The following SERPINB12 variants were observed in gnomAD, a reference collection of about 807,000 sequenced individuals.
The protein encoded by SERPINB12 is serpin B12.
In SERPINB12, 57 loss-of-function variants were observed where a neutral mutation model predicts 41.1. The ratio of observed to expected loss-of-function variants is 1.39; its 90% CI spans 1.12 to 1.73. SERPINB12 has a LOEUF of 1.73. SERPINB12 is among the 40% of genes most tolerant of loss of function. SERPINB12 has a pLI of 0.00. For missense variants in SERPINB12, 536 were observed against 501.9 expected, an observed-to-expected ratio of 1.07 and a Z score of -0.65; for synonymous variants, 180 against 181.3, an observed-to-expected ratio of 0.99 and a Z score of 0.06.
chr18:63,519,849 G>A, the SERPINB12 span, among the ~76,000 whole-genome samples: 1 of 152,148 alleles, frequency 6.6e-6, no homozygotes, highest in South Asian at 2.1e-4. Context: ...ATTATCTAAG[G>A]TAGGCTCGAG....
chr18:63,561,207 G>A lies in SERPINB12; in HGVS notation c.562+5G>A, dbSNP rs1336619119. ...GGGTTGAATGTCAATCCCAAGGTAA[G>A]AAAGCCCAAAAGCACGGGAGCTGGT... On this transcript the variant is annotated splice_donor_5th_base_variant and intron_variant, in intron 5 of 7. Coordinates refer to ENST00000382768, the MANE Select transcript of SERPINB12 (RefSeq NM_001307928.2). 6.4e-7 allele frequency: 1 copy of A among 1,572,240 alleles called. No homozygotes were observed. The highest frequency in any genetic ancestry group is 1.1e-5 in the South Asian group (1 of 89,752).
chr18:63,540,532 G>A (rs1417893119), upstream of SERPINB12, among the ~76,000 whole-genome samples: 1 of 152,090 alleles, frequency 6.6e-6, no homozygotes, highest in Non-Finnish European at 1.5e-5. Context: ...CAGTAATTCA[G>A]GACCTAGATA....
At chr18:63,524,004 C>T in the SERPINB12 span, among the ~76,000 whole-genome samples, 1 of 151,994 alleles carries the variant, frequency 6.6e-6, no homozygotes, top group African/African-American at 2.4e-5. Context: ...GCATTCTCAA[C>T]CTTAAATAGG....
chr18:63,527,035 T>C, the SERPINB12 span, among the ~76,000 whole-genome samples: 3 of 152,338 alleles, frequency 2.0e-5, no homozygotes, highest in South Asian at 6.2e-4. Flanking sequence ...ATACATATTA[T>C]AATCGTATGA....
chr18:63,526,217 C>T, the SERPINB12 span, among the ~76,000 whole-genome samples: 3 of 152,112 alleles, frequency 2.0e-5, no homozygotes, highest in Non-Finnish European at 4.4e-5. Context: ...TGGTTGAAAG[C>T]TATTACATAC....
the SERPINB12 span, among the ~76,000 whole-genome samples, chr18:63,530,830 A>C: frequency 2.0e-5 from 3 of 152,162 alleles, no homozygotes; most frequent in Admixed American, 6.5e-5. Context: ...AAGGTTAGAG[A>C]GGGGGAGAAC....
intron 5 of SERPINB12, 27 bp from the exon 6 acceptor site, chr18:63,563,951 A>G: frequency 6.3e-7 from 1 of 1,582,192 alleles, no homozygotes; most frequent in Non-Finnish European, 8.6e-7. Context: ...ATTCATACTC[A>G]GGATATTCTC....
At position 63,565,619 on chromosome 18, in the gene SERPINB12, C is replaced by A; in HGVS notation, c.873+7C>A. The A allele has an allele frequency of 6.2e-7, 1 of 1,604,944 alleles. No individual in the cohort carries two copies. Among genetic ancestry groups the A allele is most frequent in the African/African-American group, 1.3e-5 (1 of 74,418 alleles). Reference sequence around the variant, plus strand: ...CCTGAAGGGTCTGGAAGAGGTAAATCTTCATTTCCACATCTCTACAAAATA... The same window carrying A: ...CCTGAAGGGTCTGGAAGAGGTAAATATTCATTTCCACATCTCTACAAAATA... On this transcript the variant is annotated splice_region_variant and intron_variant, in intron 7 of 7. Coordinates refer to ENST00000382768, the MANE Select transcript of SERPINB12 (RefSeq NM_001307928.2).
chr18:63,540,366 T>C (rs1398214410), upstream of SERPINB12, among the ~76,000 whole-genome samples: 3 of 152,178 alleles, frequency 2.0e-5, no homozygotes, highest in Admixed American at 6.5e-5. Context: ...AAAATGTTCA[T>C]GCATTTTTAT....
the SERPINB12 span, among the ~76,000 whole-genome samples, chr18:63,532,201 A>C: frequency 9.5e-4 from 144 of 152,262 alleles, no homozygotes; most frequent in African/African-American, 3.3e-3. Context: ...ACAATCATAC[A>C]TTTTAGTTCA....
intron 3 of SERPINB12, among the ~76,000 whole-genome samples, chr18:63,558,747 C>T (rs1320891374): frequency 6.6e-6 from 1 of 152,176 alleles, no homozygotes; most frequent in Non-Finnish European, 1.5e-5. Context: ...TCATCTGCTT[C>T]TATAGGCCAC....
chr18:63,552,612 C>A (rs563707153), intron 1 of SERPINB12, among the ~76,000 whole-genome samples: 6 of 152,086 alleles, frequency 3.9e-5, no homozygotes, highest in Non-Finnish European at 8.8e-5. Flanking sequence ...CTCTTCTATG[C>A]GTCTTAAACT....
chr18:63,559,741 C>G (rs1413122287), intron 4 of SERPINB12, 23 bp downstream of exon 4: 1 of 1,612,874 alleles, frequency 6.2e-7, no homozygotes, highest in Non-Finnish European at 8.5e-7. Context: ...CGAATGGTGA[C>G]TAAAGCTACC....
chr18:63,544,971 C>T (rs1302408797), intron 1 of SERPINB12, among the ~76,000 whole-genome samples: 1 of 152,098 alleles, frequency 6.6e-6, no homozygotes, highest in African/African-American at 2.4e-5. Context: ...TTCAAAAATA[C>T]TGCCTTTATC....
At position 63,568,875 on chromosome 18, in the gene SERPINB12, G is replaced by T. The variant is rs1008777487; in HGVS notation, c.*1864G>T. Among the ~76,000 whole-genome samples the T allele has an allele frequency of 1.3e-5, 2 of 152,148 alleles. No homozygotes were observed. The highest frequency in any genetic ancestry group is 2.4e-5 in the African/African-American group (1 of 41,426). ...CTTCTCATTGTTGAAGCTCACTTAC[G>T]ACCTAAAACAATTTGACGTTGGTAA... On this transcript the variant is annotated 3_prime_UTR_variant, in exon 8 of 8. Coordinates refer to ENST00000382768, the MANE Select transcript of SERPINB12 (RefSeq NM_001307928.2).
upstream of SERPINB12, among the ~76,000 whole-genome samples, chr18:63,538,021 A>G (rs745419369): frequency 1.2e-4 from 19 of 152,192 alleles, no homozygotes; most frequent in Non-Finnish European, 2.5e-4. Flanking sequence ...TGCATCTACC[A>G]TAGTATTTAA....
At chr18:63,555,095 G>C (rs1201667972) in intron 1 of SERPINB12, among the ~76,000 whole-genome samples, 3 of 152,092 alleles carry the variant, frequency 2.0e-5, no homozygotes, top group Non-Finnish European at 2.9e-5. Context: ...CTTTATAAAT[G>C]ACACAGTCTC....
At chr18:63,551,608 T>G (rs1057465338) in intron 1 of SERPINB12, among the ~76,000 whole-genome samples, 22 of 152,242 alleles carry the variant, frequency 1.4e-4, no homozygotes, top group African/African-American at 3.9e-4. Context: ...GTGTTTATTC[T>G]GCTGATGATG....
At chr18:63,524,472 T>C in the SERPINB12 span, among the ~76,000 whole-genome samples, 1 of 151,978 alleles carries the variant, frequency 6.6e-6, no homozygotes, top group South Asian at 2.1e-4. Flanking sequence ...GCATTTTTAA[T>C]AGAGATGGGG....
Sources: gnomAD v4.1 joint callset for allele counts (sites outside exome capture counted in the v4.1 genomes callset) on GRCh38, gnomAD v4.1.1 for gene constraint, MANE v1.5 for transcripts, NCBI Gene and HGNC (gene_info 2026-07-23, HGNC 2026-07-21) for gene names.